Variants in SMYD3 observed in about 807,000 individuals in gnomAD.
The protein encoded by SMYD3 is SET and MYND domain containing 3, also known as histone-lysine N-methyltransferase SMYD3.
SMYD3 carries 36 observed loss-of-function variants against 57.7 expected under a neutral mutation model. The ratio of observed to expected loss-of-function variants is 0.62; its 90% confidence interval spans 0.48 to 0.82. The LOEUF (loss-of-function observed/expected upper bound fraction) is 0.82. Among genes scored for constraint, SMYD3 ranks in the 40% least tolerant of loss-of-function variants. The pLI is 0.00. For synonymous variants in SMYD3, 211 were observed against 195.0 expected (o/e 1.08, Z -0.68); for missense variants, 515 against 538.8 (o/e 0.96, Z 0.44).
intron 1 of SMYD3, among the ~76,000 whole-genome samples, chr1:246,439,105 C>CGGGG (rs35839272): frequency 6.5e-4 from 81 of 125,258 alleles, no homozygotes; most frequent in Middle Eastern, 4.0e-3. Context: ...TTGTTATTTT[C>CGGGG]GGGGGGGGGG....
intron 5 of SMYD3, among the ~76,000 whole-genome samples, chr1:246,260,253 T>G (rs2063979947): frequency 6.6e-6 from 1 of 152,104 alleles, no homozygotes; most frequent in Non-Finnish European, 1.5e-5. Context: ...CTGAACCAGA[T>G]AAGCAGGTGC....
chr1:246,399,042 G>C (rs1008326024), intron 1 of SMYD3, among the ~76,000 whole-genome samples: 4 of 152,008 alleles, frequency 2.6e-5, no homozygotes, highest in African/African-American at 9.7e-5. Context: ...TTTGTTTTGA[G>C]ACAGAGTCTT....
rs993825697 is a variant in SMYD3 at position 245,758,644 on chromosome 1, T to C, written c.1185+5397A>G. On this transcript the variant is annotated intron_variant, in intron 11 of 11. Coordinates refer to ENST00000490107, the MANE Select transcript of SMYD3 (RefSeq NM_001167740.2). Reference sequence around the variant, plus strand: ...TTTTGATTATTATATTTATCAGTTGTTAAATTTCTATTTGTGTCTTCTTTA... The same window carrying C: ...TTTTGATTATTATATTTATCAGTTGCTAAATTTCTATTTGTGTCTTCTTTA... Among the ~76,000 whole-genome samples, 31 of 152,312 alleles carry C rather than the reference T, an allele frequency of 2.0e-4. 1 individual carries two copies. The Middle Eastern group carries it at 0.01, about 50-fold the overall frequency.
chr1:246,342,114 C>T (rs190483464), intron 2 of SMYD3, among the ~76,000 whole-genome samples: 1 of 152,230 alleles, frequency 6.6e-6, no homozygotes, highest in East Asian at 1.9e-4. Flanking sequence ...GTATTTTCCT[C>T]AGCTATTTGG....
At chr1:246,238,231 G>T (rs1219313223) in intron 5 of SMYD3, among the ~76,000 whole-genome samples, 1 of 152,038 alleles carries the variant, frequency 6.6e-6, no homozygotes, top group Non-Finnish European at 1.5e-5. Context: ...GGGTATCATT[G>T]TGTTACCCAG....
At chr1:246,450,200 T>C (rs1252434615) in intron 1 of SMYD3, among the ~76,000 whole-genome samples, 3 of 151,952 alleles carry the variant, frequency 2.0e-5, no homozygotes, top group African/African-American at 7.3e-5. Context: ...GGCAGGAGAA[T>C]GGCTTGAACG....
intron 5 of SMYD3, among the ~76,000 whole-genome samples, chr1:246,234,936 T>G (rs2148460346): frequency 6.6e-6 from 1 of 152,284 alleles, no homozygotes; most frequent in Non-Finnish European, 1.5e-5. Context: ...CCCATGAGAT[T>G]GCTTCAGTTC....
intron 5 of SMYD3, among the ~76,000 whole-genome samples, chr1:246,231,448 G>A (rs1433399054): frequency 2.6e-5 from 4 of 152,096 alleles, no homozygotes; most frequent in African/African-American, 7.2e-5. Context: ...CAAATTTTAT[G>A]CACCAATAAT....
At chr1:246,437,733 T>G (rs978602860) in intron 1 of SMYD3, among the ~76,000 whole-genome samples, 8 of 152,248 alleles carry the variant, frequency 5.3e-5, no homozygotes, top group African/African-American at 1.9e-4. Flanking sequence ...TTTTTAATCT[T>G]AAAACTTAGA....
At position 246,150,693 on chromosome 1, in the gene SMYD3, T is replaced by C. The variant is rs1163809978; in HGVS notation, c.531+176508A>G. Among the ~76,000 whole-genome samples the C allele has an allele frequency of 2.6e-5, 4 of 152,120 alleles. No homozygotes were observed. In the East Asian group the frequency reaches 7.7e-4, roughly 29 times the overall value. On this transcript the variant is annotated intron_variant, in intron 5 of 11. Transcript: ENST00000490107. Reference sequence around the variant, plus strand: ...GAGTCTATTTGTCTAAGAAGGGAAATGTCTGGCCCAGCCGTGGAAGTCCAG... The same window carrying C: ...GAGTCTATTTGTCTAAGAAGGGAAACGTCTGGCCCAGCCGTGGAAGTCCAG...
In SMYD3 at chr1:246,054,873, T is replaced by TTAAAAAAA. The variant is rs1204385113; in HGVS notation, c.532-124937_532-124936insTTTTTTTA. Among the ~76,000 whole-genome samples the TTAAAAAAA allele has an allele frequency of 4.8e-4, 38 of 79,120 alleles. 1 individual carries two copies. The highest frequency in any genetic ancestry group is 1.3e-3 in the African/African-American group (34 of 25,810). The allele number at this position is 79,120 out of a possible 152,430, so 51.9% of individuals were successfully genotyped here. On this transcript the variant is annotated intron_variant, in intron 5 of 11. Transcript: ENST00000490107. The stretch of plus-strand genomic sequence containing the variant: ...ACCTTAACACTCATTAGGATGACTA[T>TTAAAAAAA]AAAAAAAAAAAAAAAAAAAAGGCCA...
At chr1:246,083,615 G>A (rs1426731849) in intron 5 of SMYD3, among the ~76,000 whole-genome samples, 1 of 152,174 alleles carries the variant, frequency 6.6e-6, no homozygotes, top group Admixed American at 6.5e-5. Flanking sequence ...CCACAAGTGT[G>A]GAGGGGCAGG....
chr1:245,768,503 G>A (rs1351081962), intron 10 of SMYD3, among the ~76,000 whole-genome samples: 5 of 152,178 alleles, frequency 3.3e-5, no homozygotes, highest in Admixed American at 1.3e-4. Context: ...ACATTATTCC[G>A]TTACAGATGG....
At chr1:246,480,606 G>A (rs2068087608) in intron 1 of SMYD3, among the ~76,000 whole-genome samples, 1 of 151,986 alleles carries the variant, frequency 6.6e-6, no homozygotes, top group Non-Finnish European at 1.5e-5. Flanking sequence ...CTGACACAAC[G>A]GTGGCTCTTA....
intron 5 of SMYD3, among the ~76,000 whole-genome samples, chr1:246,016,513 G>A (rs1405074246): frequency 1.3e-5 from 2 of 152,054 alleles, no homozygotes; most frequent in Admixed American, 6.6e-5. Context: ...AACCCAGGAG[G>A]TGGAGGTTGC....
intron 2 of SMYD3, among the ~76,000 whole-genome samples, chr1:246,353,970 T>C (rs1037023377): frequency 2.0e-5 from 3 of 152,218 alleles, no homozygotes; most frequent in African/African-American, 4.8e-5. Flanking sequence ...GAACTTTTGA[T>C]TTCTTTTCCA....
chr1:245,749,694 A>T, intron 11 of SMYD3, 30 bp from the exon 12 acceptor site: 1 of 1,578,982 alleles, frequency 6.3e-7, no homozygotes, highest in Non-Finnish European at 8.7e-7. Context: ...GAGAGATTAG[A>T]CCCCAAAATA....
At chr1:245,869,302 T>C (rs1168337304) in intron 8 of SMYD3, among the ~76,000 whole-genome samples, 1 of 152,166 alleles carries the variant, frequency 6.6e-6, no homozygotes, top group Non-Finnish European at 1.5e-5. Flanking sequence ...TCCTGGGAAA[T>C]GATCGAGAGA....
chr1:246,148,808 C>T (rs1240940901), intron 5 of SMYD3, among the ~76,000 whole-genome samples: 1 of 152,152 alleles, frequency 6.6e-6, no homozygotes, highest in Admixed American at 6.5e-5. Flanking sequence ...AGGGATCAGC[C>T]CTTTACTTGT....
Sources: gnomAD v4.1 joint callset for allele counts (sites outside exome capture counted in the v4.1 genomes callset) on GRCh38, gnomAD v4.1.1 for gene constraint, MANE v1.5 for transcripts, NCBI Gene and HGNC (gene_info 2026-07-23, HGNC 2026-07-21) for gene names.